The following TBCK variants were observed in gnomAD, a reference collection of about 807,000 sequenced individuals.
TBCK encodes the protein TBC1 domain containing kinase.
TBCK carries 99 observed loss-of-function variants against 113.4 expected under a neutral mutation model. The observed-to-expected ratio is 0.87, with a 90% confidence interval of 0.74 to 1.03. The LOEUF (loss-of-function observed/expected upper bound fraction) is 1.03. Ranked by LOEUF, TBCK falls within the 50% of genes least tolerant of loss-of-function variation. The probability of loss-of-function intolerance (pLI) is 0.00; values close to 1 mark genes in which losing one functional copy is unlikely to be tolerated. For missense variants in TBCK, 1,045 were observed against 1,061.3 expected (o/e 0.98, Z 0.21); for synonymous variants, 369 against 370.8 (o/e 1.00, Z 0.05).
At chr4:106,101,158 G>T (rs1741504055) in intron 24 of TBCK, among the ~76,000 whole-genome samples, 1 of 152,144 alleles carries the variant, frequency 6.6e-6, no homozygotes, top group African/African-American at 2.4e-5. Flanking sequence ...GGCAAAGCAG[G>T]TCCTCAAACA....
chr4:106,067,050 A>T (rs575370395), intron 25 of TBCK, among the ~76,000 whole-genome samples: 2 of 152,240 alleles, frequency 1.3e-5, no homozygotes, highest in African/African-American at 4.8e-5. Flanking sequence ...TTACTGACTC[A>T]TATGGCAATT....
chr4:106,125,906 T>C (rs1339085590), intron 23 of TBCK, among the ~76,000 whole-genome samples: 1 of 152,222 alleles, frequency 6.6e-6, no homozygotes, highest in East Asian at 1.9e-4. Context: ...ATTTGAAATA[T>C]TTCCAACACA....
intron 23 of TBCK, among the ~76,000 whole-genome samples, chr4:106,158,863 T>C (rs2149701535): frequency 6.6e-6 from 1 of 152,052 alleles, no homozygotes; most frequent in African/African-American, 2.4e-5. Flanking sequence ...TAAAGACAAA[T>C]GTCCCTTAAG....
intron 19 of TBCK, among the ~76,000 whole-genome samples, chr4:106,217,232 C>G (rs572819344): frequency 6.6e-6 from 1 of 152,192 alleles, no homozygotes; most frequent in East Asian, 1.9e-4. Context: ...ATAATAAGAG[C>G]TATCTATGAG....
At chr4:106,220,994 C>T (rs576913739) in intron 19 of TBCK, among the ~76,000 whole-genome samples, 3 of 152,316 alleles carry the variant, frequency 2.0e-5, no homozygotes, top group Admixed American at 1.3e-4. Context: ...ATTCACACCT[C>T]AGGCAATTTT....
intron 5 of TBCK, among the ~76,000 whole-genome samples, chr4:106,252,836 C>A (rs1477017880): frequency 6.6e-6 from 1 of 152,064 alleles, no homozygotes; most frequent in African/African-American, 2.4e-5. Context: ...CACCAAGTTG[C>A]CCTTTGGGGA....
intron 24 of TBCK, among the ~76,000 whole-genome samples, chr4:106,114,095 G>A (rs1030711640): frequency 6.6e-6 from 1 of 152,122 alleles, no homozygotes; most frequent in South Asian, 2.1e-4. Flanking sequence ...GCCGGAATGC[G>A]AGCAGTGCCC....
chr4:106,098,073 C>G (rs1741141300), intron 24 of TBCK, among the ~76,000 whole-genome samples: 1 of 151,942 alleles, frequency 6.6e-6, no homozygotes, highest in Non-Finnish European at 1.5e-5. Context: ...TACATAGGAC[C>G]TTCACACAAA....
intron 3 of TBCK, among the ~76,000 whole-genome samples, chr4:106,282,947 C>G (rs1764758096): frequency 6.6e-6 from 1 of 152,062 alleles, no homozygotes; most frequent in African/African-American, 2.4e-5. Context: ...CTGCCAACAA[C>G]CTTTATCAGC....
chr4:106,147,425 G>A (rs893840502), intron 23 of TBCK, among the ~76,000 whole-genome samples: 4 of 152,168 alleles, frequency 2.6e-5, no homozygotes, highest in South Asian at 2.1e-4. Flanking sequence ...TTATTGTTGC[G>A]GGAAGTCAGG....
chr4:106,088,554 T>C (rs1243342569), intron 25 of TBCK, among the ~76,000 whole-genome samples: 3 of 152,200 alleles, frequency 2.0e-5, no homozygotes, highest in Non-Finnish European at 4.4e-5. Context: ...CTCAAGGATC[T>C]AGAACCAGAA....
intron 23 of TBCK, 57 bp downstream of exon 23, chr4:106,171,038 T>G (rs1392065351): frequency 7.2e-7 from 1 of 1,398,060 alleles, no homozygotes; most frequent in Non-Finnish European, 9.7e-7. Context: ...CTAGGGTATA[T>G]TAATTTTAAC....
intron 25 of TBCK, among the ~76,000 whole-genome samples, chr4:106,079,481 A>G (rs911100547): frequency 1.1e-4 from 16 of 152,206 alleles, no homozygotes; most frequent in Admixed American, 5.2e-4. Context: ...ACACAAAATA[A>G]ATGTACAAAA....
At chr4:106,110,009 T>G (rs912320621) in intron 24 of TBCK, among the ~76,000 whole-genome samples, 4 of 152,172 alleles carry the variant, frequency 2.6e-5, no homozygotes, top group Non-Finnish European at 5.9e-5. Context: ...AAGGAATTGA[T>G]CTAGATAAGT....
intron 3 of TBCK, among the ~76,000 whole-genome samples, chr4:106,267,521 T>C (rs192079508): frequency 6.6e-6 from 1 of 152,124 alleles, no homozygotes; most frequent in East Asian, 1.9e-4. Context: ...TATTCATCAT[T>C]TTCCTTTGTC....
At chr4:106,089,139 A>T (rs1296854136) in intron 25 of TBCK, among the ~76,000 whole-genome samples, 1 of 152,014 alleles carries the variant, frequency 6.6e-6, no homozygotes, top group Non-Finnish European at 1.5e-5. Context: ...AGGCCTCAGG[A>T]AGCTTACAAT....
chr4:106,143,382 A>T (rs1747362054), intron 23 of TBCK, among the ~76,000 whole-genome samples: 1 of 152,182 alleles, frequency 6.6e-6, no homozygotes, highest in African/African-American at 2.4e-5. Context: ...GGATGAGAAA[A>T]CCCAGAGATT....
chr4:106,093,054 C>G (rs1469806663), intron 25 of TBCK, among the ~76,000 whole-genome samples: 2 of 152,162 alleles, frequency 1.3e-5, no homozygotes, highest in East Asian at 3.9e-4. Flanking sequence ...CTGACTTTCT[C>G]TGAAATAGGT....
chr4:106,067,784 C>G (rs1578795944), intron 25 of TBCK, among the ~76,000 whole-genome samples: 1 of 152,244 alleles, frequency 6.6e-6, no homozygotes, highest in East Asian at 1.9e-4. Flanking sequence ...GCACCTTTGT[C>G]AAATATCAAT....
Sources: allele counts gnomAD v4.1 joint callset (sites outside exome capture counted in the v4.1 genomes callset), GRCh38; gene constraint gnomAD v4.1.1; transcripts MANE v1.5; gene names NCBI Gene and HGNC (gene_info 2026-07-23, HGNC 2026-07-21).